DOCK8: variants seen among roughly 807,000 people sequenced by gnomAD.
DOCK8 encodes dedicator of cytokinesis 8, also known as dedicator of cytokinesis protein 8.
A neutral mutation model predicts 245.6 loss-of-function variants in DOCK8; 141 were observed. That is an observed-to-expected ratio of 0.57 (90% CI 0.50 to 0.66). The LOEUF is 0.66. Ranked by LOEUF, DOCK8 falls within the 30% of genes least tolerant of loss-of-function variation. The pLI is 0.00. For synonymous variants in DOCK8, 1,168 were observed against 970.2 expected (o/e 1.20, Z -3.79); for missense variants, 2,965 against 2,603.4 (o/e 1.14, Z -3.02).
intron 6 of DOCK8, among the ~76,000 whole-genome samples, chr9:313,891 A>G (rs549706305): frequency 1.3e-5 from 2 of 152,352 alleles, no homozygotes; most frequent in East Asian, 1.9e-4. Context: ...ACATAGATCA[A>G]AACATGACAC....
intron 20 of DOCK8, 63 bp downstream of exon 20, chr9:377,274 G>A: frequency 7.0e-7 from 1 of 1,437,272 alleles, no homozygotes. Flanking sequence ...CTTCTTTAAT[G>A]AAAAATGACT....
intron 7 of DOCK8, among the ~76,000 whole-genome samples, chr9:319,021 G>T (rs2050468331): frequency 6.6e-6 from 1 of 152,200 alleles, no homozygotes; most frequent in Non-Finnish European, 1.5e-5. Flanking sequence ...TGGAGGCCAA[G>T]TGTGGTGACT....
At chr9:288,694 G>C (rs1207428216) in intron 3 of DOCK8, among the ~76,000 whole-genome samples, 1 of 152,184 alleles carries the variant, frequency 6.6e-6, no homozygotes, top group African/African-American at 2.4e-5. Context: ...AGGAAACTGA[G>C]GCACAGAAGG....
chr9:455,942 C>T (rs10974556), intron 46 of DOCK8, among the ~76,000 whole-genome samples: 64,105 of 152,006 alleles, frequency 0.42, 15,899 homozygotes, highest in Non-Finnish European at 0.57. Flanking sequence ...TGAGCTCCTA[C>T]TTTGTGCCAG....
At chr9:289,989 C>T (rs2048973200) in intron 4 of DOCK8, among the ~76,000 whole-genome samples, 2 of 152,316 alleles carry the variant, frequency 1.3e-5, no homozygotes, top group South Asian at 4.1e-4. Context: ...CCCTCCCTGG[C>T]AACCACTTTC....
At chr9:222,541 T>C (rs560021259) in intron 1 of DOCK8, among the ~76,000 whole-genome samples, 174 of 152,294 alleles carry the variant, frequency 1.1e-3, no homozygotes, top group African/African-American at 3.8e-3. Context: ...TTATCATTCT[T>C]TTAAATCTTT....
chr9:323,074 CA>C (rs2050591809), intron 7 of DOCK8, among the ~76,000 whole-genome samples: 1 of 128,382 alleles, frequency 7.8e-6, no homozygotes, highest in African/African-American at 3.1e-5. Flanking sequence ...CCCTGGGTGA[CA>C]AGAGCAAAAC....
chr9:236,274 C>T (rs1477648119), intron 1 of DOCK8, among the ~76,000 whole-genome samples: 3 of 152,134 alleles, frequency 2.0e-5, no homozygotes, highest in African/African-American at 7.2e-5. Context: ...AAAAGACATG[C>T]CAGCTAACTT....
chr9:257,648 T>A lies in DOCK8; in HGVS notation c.54-13979T>A, dbSNP rs570109887. Among the ~76,000 whole-genome samples the A allele has an allele frequency of 3.3e-5, 5 of 152,292 alleles. No individual in the cohort carries two copies. The South Asian group carries it at 1.0e-3, about 32-fold the overall frequency. On this transcript the variant is annotated intron_variant, in intron 1 of 47. Transcript: ENST00000432829. Reference sequence around the variant, plus strand: ...GATTCTCCTGCCTCAGCCTCCTGAGTAGCTGGGATTACAGGCATGTGCCAC... The same window carrying A: ...GATTCTCCTGCCTCAGCCTCCTGAGAAGCTGGGATTACAGGCATGTGCCAC...
At chr9:368,316 C>T (rs751851021) in intron 15 of DOCK8, 181 bp downstream of exon 15, 8 of 743,230 alleles carry the variant, frequency 1.1e-5, no homozygotes, top group African/African-American at 3.5e-5. Context: ...TCTTACTTGA[C>T]GATCTCTTTC....
At position 286,618 on chromosome 9, in the gene DOCK8, C is replaced by G. The variant is rs201472678; in HGVS notation, c.314C>G (p.Pro105Arg). The change falls in exon 3 of 48, where the codon CCC becomes CGC. Residue 105 changes from proline to arginine, a missense_variant. By Grantham distance (103) the Pro-to-Arg change is moderately radical. Transcript: ENST00000432829. ...CCAAAGGAATGTAGGACTTTGCAGC[C>G]CTCTTTGCCGGAGGAAGGGTAAATA... ...FTPKECRTLQ[P>R]SLPEEGVELD... 95 of 1,613,670 alleles carry G rather than the reference C, an allele frequency of 5.9e-5. No homozygotes were observed. The highest frequency in any genetic ancestry group is 7.9e-5 in the Non-Finnish European group (93 of 1,179,864).
chr9:409,019 T>C (rs1564027942), intron 28 of DOCK8, among the ~76,000 whole-genome samples: 1 of 152,168 alleles, frequency 6.6e-6, no homozygotes, highest in African/African-American at 2.4e-5. Context: ...GGAAAGTCAT[T>C]AGATACACTG....
At chr9:325,172 A>G (rs2130803116) in intron 7 of DOCK8, among the ~76,000 whole-genome samples, 1 of 152,346 alleles carries the variant, frequency 6.6e-6, no homozygotes, top group South Asian at 2.1e-4. Flanking sequence ...GATAAGCAGT[A>G]TTCCATAGTG....
chr9:370,169 T>A (rs2053219522), intron 15 of DOCK8, 61 bp from the exon 16 acceptor site: 1 of 1,361,834 alleles, frequency 7.3e-7, no homozygotes, highest in East Asian at 2.3e-5. Context: ...GGCCTGATGA[T>A]AGTCAATTTG....
At chr9:231,910 C>T (rs1490498331) in intron 1 of DOCK8, among the ~76,000 whole-genome samples, 2 of 152,088 alleles carry the variant, frequency 1.3e-5, no homozygotes, top group Non-Finnish European at 2.9e-5. Flanking sequence ...GCCTGATTGC[C>T]CTGGCCAGAA....
intron 1 of DOCK8, among the ~76,000 whole-genome samples, chr9:245,618 A>G (rs1191901019): frequency 6.6e-6 from 1 of 152,202 alleles, no homozygotes; most frequent in Non-Finnish European, 1.5e-5. Context: ...TTCTCTCAAT[A>G]GCATCCCAAG....
chr9:344,023 G>A (rs537103654), intron 14 of DOCK8, among the ~76,000 whole-genome samples: 32 of 152,278 alleles, frequency 2.1e-4, no homozygotes, highest in Admixed American at 1.0e-3. Context: ...AAGTCTGGAC[G>A]GATTACAATG....
intron 2 of DOCK8, among the ~76,000 whole-genome samples, chr9:278,862 A>G (rs905267012): frequency 5.9e-5 from 9 of 152,144 alleles, no homozygotes; most frequent in African/African-American, 9.7e-5. Context: ...ATTGGCTCCT[A>G]CTCTAAGACA....
chr9:419,539 C>T (rs1403987719), intron 30 of DOCK8, among the ~76,000 whole-genome samples: 1 of 152,166 alleles, frequency 6.6e-6, no homozygotes, highest in South Asian at 2.1e-4. Context: ...TTATTCTTGT[C>T]AACAAACTCA....
Sources: allele counts gnomAD v4.1 joint callset (sites outside exome capture counted in the v4.1 genomes callset), GRCh38; gene constraint gnomAD v4.1.1; transcripts MANE v1.5; gene names NCBI Gene and HGNC (gene_info 2026-07-23, HGNC 2026-07-21).